Variants in LARGE1 observed in about 807,000 individuals in gnomAD.
The protein encoded by LARGE1 is LARGE xylosyl- and glucuronyltransferase 1.
In LARGE1, 43 loss-of-function variants were observed where a neutral mutation model predicts 87.6. The ratio of observed to expected loss-of-function variants is 0.49; its 90% CI spans 0.38 to 0.63. The LOEUF is 0.63. LARGE1 is among the 30% of genes least tolerant of loss of function. LARGE1 has a pLI of 0.00. For missense variants in LARGE1, 802 were observed against 1,000.2 expected (o/e 0.80, Z 2.67); for synonymous variants, 434 against 394.6 (o/e 1.10, Z -1.18).
chr22:33,865,608 G>A (rs1017372153), intron 1 of LARGE1, among the ~76,000 whole-genome samples: 3 of 152,070 alleles, frequency 2.0e-5, no homozygotes, highest in Non-Finnish European at 4.4e-5. Context: ...TGTACGCAGG[G>A]AAAATAAGGA....
At chr22:33,092,102 G>A in the LARGE1 span, among the ~76,000 whole-genome samples, 3 of 152,120 alleles carry the variant, frequency 2.0e-5, no homozygotes, top group African/African-American at 4.8e-5. Context: ...GTTTCACCAT[G>A]TTGGTCAAGC....
chr22:33,401,078 G>C (rs890230435), intron 7 of LARGE1, among the ~76,000 whole-genome samples: 31 of 151,982 alleles, frequency 2.0e-4, no homozygotes, highest in Admixed American at 2.0e-3. Flanking sequence ...GCACACTCTC[G>C]CATGTGGGTG....
chr22:33,871,582 A>G (rs1313151888), intron 1 of LARGE1, among the ~76,000 whole-genome samples: 1 of 152,220 alleles, frequency 6.6e-6, no homozygotes, highest in African/African-American at 2.4e-5. Flanking sequence ...ATCTGGAACC[A>G]GACCTTTACC....
At chr22:33,882,578 C>T (rs926388000) in intron 1 of LARGE1, among the ~76,000 whole-genome samples, 2 of 152,168 alleles carry the variant, frequency 1.3e-5, no homozygotes, top group Non-Finnish European at 2.9e-5. Flanking sequence ...TCATCAGTAA[C>T]ACTGGAACAG....
intron 1 of LARGE1, among the ~76,000 whole-genome samples, chr22:33,787,391 G>A (rs2085682760): frequency 6.6e-6 from 1 of 152,136 alleles, no homozygotes; most frequent in Admixed American, 6.5e-5. Context: ...CTTCATGGGT[G>A]ATATCTCAAT....
At chr22:33,725,337 C>T (rs1403861119) in intron 2 of LARGE1, among the ~76,000 whole-genome samples, 3 of 152,138 alleles carry the variant, frequency 2.0e-5, no homozygotes, top group Non-Finnish European at 2.9e-5. Flanking sequence ...TGGCCTCGGC[C>T]GGTATTCTGA....
intron 9 of LARGE1, among the ~76,000 whole-genome samples, chr22:33,361,231 T>TAAATAA (rs2064376934): frequency 6.7e-6 from 1 of 148,460 alleles, no homozygotes; most frequent in Non-Finnish European, 1.5e-5. Flanking sequence ...AATAAATAAA[T>TAAATAA]AAATAAAAAT....
intron 2 of LARGE1, among the ~76,000 whole-genome samples, chr22:33,751,652 T>G (rs1054517583): frequency 1.4e-4 from 22 of 152,340 alleles, no homozygotes; most frequent in African/African-American, 5.3e-4. Flanking sequence ...GTTTTTGAAC[T>G]TGGTATAATT....
intron 9 of LARGE1, among the ~76,000 whole-genome samples, chr22:33,350,823 C>T (rs1940300782): frequency 6.6e-6 from 1 of 152,152 alleles, no homozygotes; most frequent in East Asian, 1.9e-4. Flanking sequence ...AGCCAGAAGC[C>T]CAGACACGGA....
chr22:33,591,842 C>CA (rs759357005), intron 5 of LARGE1, among the ~76,000 whole-genome samples: 10,035 of 101,884 alleles, frequency 0.098, 504 homozygotes, highest in Admixed American at 0.13. Context: ...CCCGTCTCTC[C>CA]AAAAAAAAAA....
intron 2 of LARGE1, among the ~76,000 whole-genome samples, chr22:33,729,902 T>G (rs954631989): frequency 6.6e-6 from 1 of 152,204 alleles, no homozygotes; most frequent in Non-Finnish European, 1.5e-5. Flanking sequence ...ACCTATAAGA[T>G]GCCAGGCATG....
chr22:33,072,410 C>A, the LARGE1 span, among the ~76,000 whole-genome samples: 2 of 152,078 alleles, frequency 1.3e-5, no homozygotes, highest in Admixed American at 1.3e-4. Flanking sequence ...AATAAAAAGG[C>A]CCTGATTGAC....
chr22:33,225,738 T>TTC (rs1265687370), intron 11 of LARGE1, among the ~76,000 whole-genome samples: 1 of 152,122 alleles, frequency 6.6e-6, no homozygotes, highest in Non-Finnish European at 1.5e-5. Flanking sequence ...TAGGCCCCAC[T>TTC]GTCTGTTGTT....
chr22:33,152,463 C>A, the LARGE1 span, among the ~76,000 whole-genome samples: 1 of 152,226 alleles, frequency 6.6e-6, no homozygotes, highest in Non-Finnish European at 1.5e-5. Flanking sequence ...AAAACGCTAG[C>A]TCACATTGGA....
intron 7 of LARGE1, among the ~76,000 whole-genome samples, chr22:33,385,225 T>C (rs1034146550): frequency 3.4e-5 from 5 of 148,584 alleles, no homozygotes; most frequent in African/African-American, 1.2e-4. Context: ...GTCTATATCC[T>C]TTTGTGTTTT....
intron 1 of LARGE1, among the ~76,000 whole-genome samples, chr22:33,873,590 G>A (rs181534837): frequency 6.6e-6 from 1 of 152,258 alleles, no homozygotes; most frequent in Non-Finnish European, 1.5e-5. Flanking sequence ...AAGATAGCAT[G>A]TCACAACCAT....
chr22:33,165,405 C>T (rs56030898), exon 12 of LARGE1: 13,316 of 152,166 alleles, frequency 0.088, 718 homozygotes, highest in Middle Eastern at 0.19. Context: ...CAACAACAAC[C>T]TTGGATACAG....
At chr22:33,861,311 T>C (rs1022914734) in intron 1 of LARGE1, among the ~76,000 whole-genome samples, 1 of 152,154 alleles carries the variant, frequency 6.6e-6, no homozygotes, top group Admixed American at 6.5e-5. Flanking sequence ...TGCCAGCCTT[T>C]GCTAACACCC....
At chr22:33,523,832 T>C (rs990350292) in intron 6 of LARGE1, among the ~76,000 whole-genome samples, 2 of 152,238 alleles carry the variant, frequency 1.3e-5, no homozygotes, top group Admixed American at 6.5e-5. Context: ...CCAATGTTGG[T>C]ATCTTAGATA....
Sources: allele counts gnomAD v4.1 joint callset (sites outside exome capture counted in the v4.1 genomes callset), GRCh38; gene constraint gnomAD v4.1.1; transcripts MANE v1.5; gene names NCBI Gene and HGNC (gene_info 2026-07-23, HGNC 2026-07-21).